Variants in SIK3 observed in about 807,000 individuals in gnomAD.
SIK3 encodes serine/threonine-protein kinase SIK3.
Under a neutral mutation model 144.2 loss-of-function variants are expected in SIK3, and 28 were observed. That is an observed-to-expected ratio of 0.19 (90% confidence interval 0.14 to 0.27). SIK3 has a LOEUF of 0.27. SIK3 is among the 10% of genes least tolerant of loss of function. SIK3 has a pLI of 1.00. For missense variants in SIK3, 1,319 were observed against 1,776.0 expected (o/e 0.74, Z 4.62); for synonymous variants, 686 against 676.3 (o/e 1.01, Z -0.22).
intron 4 of SIK3, among the ~76,000 whole-genome samples, 184 bp downstream of exon 4, chr11:116,927,035 G>A (rs571152665): frequency 1.0e-3 from 146 of 142,240 alleles, no homozygotes; most frequent in African/African-American, 3.6e-3. Context: ...AAAAAAAAAA[G>A]GGCAGGGGAG....
At chr11:116,852,063 G>A (rs557654557) in intron 21 of SIK3, among the ~76,000 whole-genome samples, 2 of 152,292 alleles carry the variant, frequency 1.3e-5, no homozygotes, top group African/African-American at 2.4e-5. Flanking sequence ...AAACATGAGC[G>A]CTCTCCTGTT....
intron 4 of SIK3, among the ~76,000 whole-genome samples, chr11:116,915,691 T>C (rs112751150): frequency 6.6e-6 from 1 of 152,192 alleles, no homozygotes; most frequent in Non-Finnish European, 1.5e-5. Flanking sequence ...TAGAAACAAT[T>C]TGATGTGCTG....
intron 3 of SIK3, among the ~76,000 whole-genome samples, chr11:116,942,110 C>T (rs185528327): frequency 9.9e-5 from 15 of 152,132 alleles, no homozygotes. Flanking sequence ...TACAGTTACC[C>T]AAAAAAGGTG....
intron 3 of SIK3, among the ~76,000 whole-genome samples, chr11:116,938,173 C>G (rs1173213815): frequency 3.2e-5 from 4 of 125,878 alleles, no homozygotes; most frequent in African/African-American, 1.2e-4. Flanking sequence ...CCACTGCACT[C>G]CCGCCTGGGC....
At chr11:116,908,170 T>C (rs1478454439) in intron 4 of SIK3, among the ~76,000 whole-genome samples, 5 of 152,126 alleles carry the variant, frequency 3.3e-5, no homozygotes, top group African/African-American at 1.2e-4. Flanking sequence ...GGAGGATATT[T>C]GTAACTTATA....
intron 4 of SIK3, among the ~76,000 whole-genome samples, chr11:116,902,579 C>G (rs1417016795): frequency 1.3e-5 from 2 of 152,206 alleles, no homozygotes; most frequent in African/African-American, 4.8e-5. Context: ...ATCCAAACAG[C>G]TGGCTTCAAC....
chr11:116,858,044 C>G lies in SIK3; in HGVS notation c.3421G>C (p.Glu1141Gln). 1 of 1,613,802 alleles carries G rather than the reference C, an allele frequency of 6.2e-7. No individual in the cohort carries two copies. Among genetic ancestry groups the G allele is most frequent in the Non-Finnish European group, 8.5e-7 (1 of 1,179,798 alleles). The change falls in exon 21 of 25, where the codon GAG becomes CAG. Residue 1141 changes from glutamate to glutamine, a missense_variant. Glu to Gln is a conservative substitution (Grantham distance 29, BLOSUM62 2). This residue lies in a region of SIK3 where 646 missense variants were observed against 763.7 expected (regional missense o/e 0.85). Coordinates refer to ENST00000445177, the MANE Select transcript of SIK3 (RefSeq NM_001366686.3). The surrounding 1 kb of genome is among the most constrained non-coding windows in gnomAD (Gnocchi z 5.4). ...CACGAGCAGTCCTCCTCCATGCTCT[C>G]TGAATGCATCAGTGCCGGCTGGTGA... ...YAHQPALMHS[E>Q]SMEEDCSCEG...
Position 117,027,910 on chromosome 11 carries a change from A to G in SIK3, c.273+70233T>C, listed in dbSNP as rs577805053. On this transcript the variant is annotated intron_variant, in intron 1 of 24. Transcript: ENST00000445177. ...ACCAAGTAAATTGATCTTGTAATTG[A>G]TGAGTACGTCTACCCAAAGTTTTAA... is the stretch of plus-strand genomic sequence containing the variant. Among the ~76,000 whole-genome samples the G allele has an allele frequency of 3.9e-5, 6 of 152,350 alleles. No individual in the cohort carries two copies. The South Asian group carries it at 1.2e-3, about 32-fold the overall frequency.
intron 1 of SIK3, among the ~76,000 whole-genome samples, chr11:116,972,694 C>T (rs894137061): frequency 6.6e-6 from 1 of 152,024 alleles, no homozygotes; most frequent in Admixed American, 6.6e-5. Context: ...GAAATATATA[C>T]ACCTACTATG....
intron 4 of SIK3, among the ~76,000 whole-genome samples, chr11:116,898,550 A>G (rs1324026766): frequency 3.3e-5 from 5 of 152,102 alleles, no homozygotes; most frequent in Middle Eastern, 3.2e-3. Flanking sequence ...GAATCACCAC[A>G]CTGACTTCCA....
At chr11:116,847,654 T>G (rs1565351358) in intron 22 of SIK3, 46 bp from the exon 23 acceptor site, 2 of 1,610,856 alleles carry the variant, frequency 1.2e-6, no homozygotes. Context: ...AAGACACCAC[T>G]CTCAGGCAAC....
chr11:116,964,606 C>T (rs2064154395), intron 1 of SIK3, among the ~76,000 whole-genome samples: 2 of 152,156 alleles, frequency 1.3e-5, no homozygotes. Flanking sequence ...GCACTCCAGG[C>T]ACGGTGGCTC....
intron 3 of SIK3, among the ~76,000 whole-genome samples, chr11:116,934,635 C>T (rs971635836): frequency 6.6e-6 from 1 of 152,276 alleles, no homozygotes; most frequent in African/African-American, 2.4e-5. Context: ...TCTATGCCTC[C>T]TTATTACACA....
intron 1 of SIK3, among the ~76,000 whole-genome samples, chr11:117,013,768 C>T (rs987775264): frequency 1.2e-4 from 18 of 150,910 alleles, no homozygotes; most frequent in African/African-American, 4.1e-4. Context: ...TCAAGAACTA[C>T]ATACTTAAGC....
intron 1 of SIK3, among the ~76,000 whole-genome samples, chr11:116,999,360 T>C (rs1221010530): frequency 2.0e-5 from 3 of 152,228 alleles, no homozygotes; most frequent in Non-Finnish European, 4.4e-5. Context: ...AATGTCTGAC[T>C]TTTCTGAAAC....
chr11:116,904,223 A>G (rs1374159433), intron 4 of SIK3, among the ~76,000 whole-genome samples: 1 of 152,190 alleles, frequency 6.6e-6, no homozygotes, highest in Non-Finnish European at 1.5e-5. Flanking sequence ...TGGAGAGGCA[A>G]TGAAGGAAGG....
At chr11:116,862,073 T>TC in intron 17 of SIK3, 129 bp downstream of exon 17, 1 of 1,404,564 alleles carries the variant, frequency 7.1e-7, no homozygotes, top group Admixed American at 1.8e-5. Context: ...TTACCTTTAC[T>TC]CAAACATGTC....
intron 1 of SIK3, among the ~76,000 whole-genome samples, chr11:117,097,666 C>T (rs991159798): frequency 6.6e-6 from 1 of 152,070 alleles, no homozygotes. Context: ...ATTCCCAGTC[C>T]GTGCCCCAGC....
chr11:116,896,420 G>A (rs934053927), intron 5 of SIK3, 44 bp from the exon 6 acceptor site: 59 of 1,594,506 alleles, frequency 3.7e-5, no homozygotes, highest in Non-Finnish European at 4.7e-5. Flanking sequence ...CACATCAGGG[G>A]AAACAAAAAA....
Sources: gnomAD v4.1 joint callset for allele counts (sites outside exome capture counted in the v4.1 genomes callset) on GRCh38, gnomAD v4.1.1 for gene constraint, gnomAD v4.1.1 regional missense constraint, Gnocchi (gnomAD v3.1) non-coding constraint, MANE v1.5 for transcripts, NCBI Gene and HGNC (gene_info 2026-07-23, HGNC 2026-07-21) for gene names.